The following INPP4B variants were observed in gnomAD, a reference collection of about 807,000 sequenced individuals.
INPP4B encodes the protein inositol polyphosphate-4-phosphatase type II B.
Under a neutral mutation model 122.5 loss-of-function variants are expected in INPP4B, and 55 were observed. That is an observed-to-expected ratio of 0.45 (90% CI 0.36 to 0.56). The LOEUF (loss-of-function observed/expected upper bound fraction) is 0.56. INPP4B is among the 20% of genes least tolerant of loss of function. The probability of loss-of-function intolerance (pLI) is 0.00; values close to 1 mark genes in which losing one functional copy is unlikely to be tolerated. For synonymous variants in INPP4B, 403 were observed against 388.7 expected (o/e 1.04, Z -0.43); for missense variants, 1,000 against 1,097.7 (o/e 0.91, Z 1.26).
intron 2 of INPP4B, among the ~76,000 whole-genome samples, chr4:142,643,237 T>G (rs1750941023): frequency 6.6e-6 from 1 of 152,100 alleles, no homozygotes; most frequent in African/African-American, 2.4e-5. Flanking sequence ...TTTTAAAAAC[T>G]ACTTCTCACA....
intron 11 of INPP4B, among the ~76,000 whole-genome samples, chr4:142,240,698 T>G (rs1858928484): frequency 6.6e-6 from 1 of 152,156 alleles, no homozygotes; most frequent in Admixed American, 6.6e-5. Flanking sequence ...GCAACCCAGT[T>G]TGACCCAGCA....
intron 10 of INPP4B, among the ~76,000 whole-genome samples, chr4:142,269,081 G>T (rs369212074): frequency 6.6e-6 from 1 of 152,220 alleles, no homozygotes; most frequent in East Asian, 1.9e-4. Context: ...CCACAGGGAG[G>T]GGACAAGGAC....
intron 9 of INPP4B, among the ~76,000 whole-genome samples, chr4:142,280,810 T>C (rs1183504987): frequency 6.6e-6 from 1 of 152,020 alleles, no homozygotes; most frequent in African/African-American, 2.4e-5. Flanking sequence ...TCCTCTTCCA[T>C]GTCAAGCAAA....
chr4:142,134,890 C>A (rs1803260605), intron 18 of INPP4B, among the ~76,000 whole-genome samples: 8 of 147,572 alleles, frequency 5.4e-5, no homozygotes, highest in Admixed American at 4.7e-4. Flanking sequence ...CAATGAAATT[C>A]TCAATATTCA....
rs1202659206 is a variant in INPP4B, at chr4:142,237,998, T to C, written c.702A>G (p.Pro234=). ...LPFLNSVLKN[P]VCKLYRFPTS... Reference sequence around the variant, plus strand: ...TGGGAAATCTATATAATTTACATACTGGGTTCTTTAACACTGGAAAAAAAA... The same window carrying C: ...TGGGAAATCTATATAATTTACATACCGGGTTCTTTAACACTGGAAAAAAAA... Residue 234 remains proline, a synonymous_variant, in exon 12 of 26, where the codon CCA becomes CCG. Coordinates refer to ENST00000262992, the MANE Select transcript of INPP4B (RefSeq NM_001101669.3). The C allele has an allele frequency of 1.9e-6, 3 of 1,540,512 alleles. No individual in the cohort carries two copies. The highest frequency in any genetic ancestry group is 2.7e-5 in the African/African-American group (2 of 73,514).
At chr4:142,442,258 A>G (rs67960473) in intron 3 of INPP4B, among the ~76,000 whole-genome samples, 30,591 of 151,568 alleles carry the variant, frequency 0.2, 4,016 homozygotes, top group East Asian at 0.41. Context: ...CAAAAAATAC[A>G]GAAATTAGCT....
intron 2 of INPP4B, among the ~76,000 whole-genome samples, chr4:142,465,063 A>C (rs1817502932): frequency 6.6e-6 from 1 of 152,248 alleles, no homozygotes; most frequent in Admixed American, 6.5e-5. Context: ...CATAGTGTCC[A>C]AACAAGCCCT....
intron 2 of INPP4B, among the ~76,000 whole-genome samples, chr4:142,618,895 A>AAATAAATG (rs1744271647): frequency 6.6e-6 from 1 of 151,874 alleles, no homozygotes; most frequent in African/African-American, 2.4e-5. Context: ...ATAAATAAAT[A>AAATAAATG]AATAAATAAC....
intron 21 of INPP4B, among the ~76,000 whole-genome samples, chr4:142,114,908 C>G (rs886350089): frequency 9.2e-5 from 14 of 151,896 alleles, no homozygotes; most frequent in African/African-American, 3.4e-4. Flanking sequence ...AGATAAAAAC[C>G]TCGAAAAAAG....
intron 23 of INPP4B, among the ~76,000 whole-genome samples, chr4:142,094,020 TACG>T (rs1378445248): frequency 1.3e-5 from 2 of 152,234 alleles, no homozygotes; most frequent in Non-Finnish European, 2.9e-5. Context: ...GGGAGAAGAA[TACG>T]ACGATAACAT....
intron 25 of INPP4B, among the ~76,000 whole-genome samples, chr4:142,039,712 A>C (rs1263393140): frequency 1.3e-5 from 2 of 152,158 alleles, no homozygotes; most frequent in Non-Finnish European, 2.9e-5. Flanking sequence ...AGAAAGGAAA[A>C]TATTTGGATC....
intron 2 of INPP4B, among the ~76,000 whole-genome samples, chr4:142,505,786 T>A (rs2149839522): frequency 6.6e-6 from 1 of 152,300 alleles, no homozygotes; most frequent in Non-Finnish European, 1.5e-5. Flanking sequence ...TTTGTTTTGG[T>A]ATCCAAGAAA....
chr4:142,427,033 A>G (rs1420730694), intron 5 of INPP4B: 1 of 152,152 alleles, frequency 6.6e-6, no homozygotes, highest in Non-Finnish European at 1.5e-5. Context: ...TCATTGGGAA[A>G]TGAATAGAAG....
intron 2 of INPP4B, among the ~76,000 whole-genome samples, chr4:142,624,031 G>A (rs527236711): frequency 8.5e-5 from 13 of 152,066 alleles, no homozygotes; most frequent in East Asian, 1.9e-4. Flanking sequence ...ATAAACATAC[G>A]TGTGCATGTG....
intron 7 of INPP4B, among the ~76,000 whole-genome samples, chr4:142,386,178 T>A (rs2031311211): frequency 6.6e-6 from 1 of 152,106 alleles, no homozygotes; most frequent in Admixed American, 6.6e-5. Flanking sequence ...GTCTTCCAGG[T>A]TCATCCTTGT....
chr4:142,111,212 A>G (rs1360577225), intron 22 of INPP4B, among the ~76,000 whole-genome samples: 1 of 152,148 alleles, frequency 6.6e-6, no homozygotes, highest in Non-Finnish European at 1.5e-5. Context: ...ATAAGAAAGC[A>G]TGTTAAATAT....
intron 23 of INPP4B, among the ~76,000 whole-genome samples, chr4:142,091,201 T>A (rs1779382270): frequency 6.6e-6 from 1 of 152,182 alleles, no homozygotes. Flanking sequence ...GTGTGCTATG[T>A]ATGATTTGTT....
At chr4:142,253,963 G>C (rs528246416) in intron 11 of INPP4B, among the ~76,000 whole-genome samples, 3 of 152,188 alleles carry the variant, frequency 2.0e-5, no homozygotes, top group African/African-American at 7.2e-5. Context: ...CTGTCTGACA[G>C]CTTTGAAGAG....
At chr4:142,727,191 CAAG>C (rs1352844664) in intron 1 of INPP4B, among the ~76,000 whole-genome samples, 3 of 152,142 alleles carry the variant, frequency 2.0e-5, no homozygotes, top group Non-Finnish European at 4.4e-5. Flanking sequence ...AGCAGTATTT[CAAG>C]AAGATTAGTA....
Sources: gnomAD v4.1 joint callset for allele counts (sites outside exome capture counted in the v4.1 genomes callset) on GRCh38, gnomAD v4.1.1 for gene constraint, MANE v1.5 for transcripts, NCBI Gene and HGNC (gene_info 2026-07-23, HGNC 2026-07-21) for gene names.